Variants in ODAD2 observed in about 807,000 individuals in gnomAD.
ODAD2 encodes outer dynein arm-docking complex subunit 2.
Under a neutral mutation model 106.8 loss-of-function variants are expected in ODAD2, and 89 were observed. That is an observed-to-expected ratio of 0.83 (90% CI 0.70 to 0.99). The LOEUF is 0.99. Ranked by LOEUF, ODAD2 falls within the 50% of genes least tolerant of loss-of-function variation. ODAD2 has a pLI of 0.00. For synonymous variants in ODAD2, 404 were observed against 436.2 expected, an observed-to-expected ratio of 0.93 and a Z score of 0.92; for missense variants, 1,168 against 1,238.5, an observed-to-expected ratio of 0.94 and a Z score of 0.85.
At position 27,812,429 on chromosome 10, in the gene ODAD2, T is replaced by C; in HGVS notation, c.*83A>G. 7.5e-7 allele frequency: 1 copy of C among 1,330,318 alleles called. No individual in the cohort carries two copies. Among genetic ancestry groups the C allele is most frequent in the Non-Finnish European group, 1.0e-6 (1 of 959,042 alleles). The allele number at this position is 1,330,318 out of a possible 1,614,324, so 82.4% of individuals were successfully genotyped here. On this transcript the variant is annotated 3_prime_UTR_variant, in exon 20 of 20. Transcript: ENST00000305242. ...GTTGAAAGGGTTTGCTAACAACTGT[T>C]TCCCAATTTAGGCTTTCTGGCCATG...
At chr10:27,827,329 G>A (rs1289689549) in intron 19 of ODAD2, among the ~76,000 whole-genome samples, 2 of 149,222 alleles carry the variant, frequency 1.3e-5, no homozygotes, top group African/African-American at 5.0e-5. Flanking sequence ...TCAAATCTGT[G>A]TTTTTAAGGA....
chr10:27,908,255 C>T (rs1171006186), intron 16 of ODAD2, among the ~76,000 whole-genome samples: 1 of 152,150 alleles, frequency 6.6e-6, no homozygotes, highest in Admixed American at 6.5e-5. Context: ...AAAATCATTA[C>T]ACCACAGTGC....
At chr10:27,837,972 C>T (rs1314457695) in intron 19 of ODAD2, among the ~76,000 whole-genome samples, 4 of 151,748 alleles carry the variant, frequency 2.6e-5, no homozygotes, top group Non-Finnish European at 5.9e-5. Context: ...TACCCCACGG[C>T]GATGGATTGG....
intron 16 of ODAD2, among the ~76,000 whole-genome samples, chr10:27,924,014 GAA>G (rs1845028605): frequency 3.1e-5 from 4 of 128,104 alleles, no homozygotes; most frequent in African/African-American, 1.1e-4. Context: ...AAGAAAGAAA[GAA>G]AGAAAGAAGG....
intron 10 of ODAD2, chr10:27,957,601 G>A (rs1342023845): frequency 6.6e-6 from 1 of 152,156 alleles, no homozygotes; most frequent in Non-Finnish European, 1.5e-5. Flanking sequence ...GAGAAAAGAA[G>A]CTGGAAGGTT....
At chr10:27,998,482 G>A (rs1850689207) in intron 1 of ODAD2, among the ~76,000 whole-genome samples, 5 of 152,166 alleles carry the variant, frequency 3.3e-5, no homozygotes, top group Admixed American at 3.3e-4. Flanking sequence ...CGGGCTGGGG[G>A]AAGGAGAGGC....
intron 17 of ODAD2, among the ~76,000 whole-genome samples, chr10:27,872,170 T>C (rs1008887295): frequency 6.6e-6 from 1 of 152,002 alleles, no homozygotes; most frequent in African/African-American, 2.4e-5. Flanking sequence ...CTGTTATTGG[T>C]GTATAAGAAT....
At chr10:27,945,351 C>T (rs1159934041) in intron 10 of ODAD2, among the ~76,000 whole-genome samples, 1 of 152,256 alleles carries the variant, frequency 6.6e-6, no homozygotes, top group South Asian at 2.1e-4. Context: ...TACAGATGTG[C>T]ATAGAACAGT....
chr10:27,934,888 T>C, intron 16 of ODAD2, 122 bp downstream of exon 16: 1 of 1,240,706 alleles, frequency 8.1e-7, no homozygotes, highest in Non-Finnish European at 1.1e-6. Flanking sequence ...ATTATTTATA[T>C]GACACACTGT....
chr10:27,882,984 C>CA (rs938358822), intron 17 of ODAD2, among the ~76,000 whole-genome samples: 4 of 150,874 alleles, frequency 2.7e-5, no homozygotes, highest in South Asian at 4.2e-4. Context: ...AGAGGCTGGT[C>CA]AAAAAAATTA....
chr10:27,885,557 A>T (rs866594026), intron 17 of ODAD2, among the ~76,000 whole-genome samples: 22 of 16,670 alleles, frequency 1.3e-3, no homozygotes, highest in African/African-American at 2.5e-3. Context: ...TAAATATATA[A>T]ATATAAATAT....
In ODAD2 at chr10:27,940,004, T is replaced by C; in HGVS notation, c.1990A>G (p.Asn664Asp). 2 of 1,601,436 alleles carry C rather than the reference T, an allele frequency of 1.2e-6. No homozygotes were observed. Among genetic ancestry groups the C allele is most frequent in the Non-Finnish European group, 8.5e-7 (1 of 1,174,072 alleles). ...GTLQECASEE[N>D]YRAAIKAERI... The stretch of plus-strand genomic sequence containing the variant: ...TCTGCTTTGATTGCAGCCCGGTAGT[T>C]TTCCTAGGAATAAAAACCTACATAT... Residue 664 changes from asparagine (N) to aspartate (D), a missense_variant, in exon 14 of 20, where the codon AAC becomes GAC. Coordinates refer to ENST00000305242, the MANE Select transcript of ODAD2 (RefSeq NM_018076.5).
At chr10:27,817,245 C>T (rs567763622) in intron 19 of ODAD2, among the ~76,000 whole-genome samples, 1 of 152,314 alleles carries the variant, frequency 6.6e-6, no homozygotes, top group South Asian at 2.1e-4. Context: ...ACACTTAAAT[C>T]CCTTTCCTAG....
intron 17 of ODAD2, among the ~76,000 whole-genome samples, chr10:27,870,603 T>C (rs1296537068): frequency 6.6e-6 from 1 of 151,154 alleles, no homozygotes; most frequent in Non-Finnish European, 1.5e-5. Context: ...GAATATGCGG[T>C]GTTTGGTTTT....
intron 17 of ODAD2, among the ~76,000 whole-genome samples, chr10:27,900,377 G>C (rs1210155303): frequency 1.4e-4 from 21 of 152,148 alleles, no homozygotes; most frequent in Non-Finnish European, 2.9e-5. Flanking sequence ...GCACAAAAAG[G>C]CTGAAAATTC....
intron 16 of ODAD2, among the ~76,000 whole-genome samples, chr10:27,914,793 G>T (rs1844249426): frequency 6.6e-6 from 1 of 151,856 alleles, no homozygotes; most frequent in Non-Finnish European, 1.5e-5. Flanking sequence ...TAGAAATGAA[G>T]AATTCATTAG....
chr10:27,941,874 G>A (rs1281558005), intron 12 of ODAD2, among the ~76,000 whole-genome samples: 5 of 152,044 alleles, frequency 3.3e-5, no homozygotes. Flanking sequence ...AATTTATAAG[G>A]GAATAATAGC....
intron 19 of ODAD2, among the ~76,000 whole-genome samples, chr10:27,850,516 T>C (rs915505411): frequency 1.3e-5 from 2 of 150,636 alleles, no homozygotes; most frequent in African/African-American, 4.9e-5. Context: ...GATATCGTAC[T>C]ACTACACTCT....
At position 27,937,154 on chromosome 10, in the gene ODAD2, C is replaced by T. The variant is rs58502831; in HGVS notation, c.2098-274G>A. ...GAGATAGCCTAGGCATCTCCTGAGG[C>T]GAAGGTCAGTGGAAAACCTACAACT... On this transcript the variant is annotated intron_variant, in intron 14 of 19. Coordinates refer to ENST00000305242, the MANE Select transcript of ODAD2 (RefSeq NM_018076.5). 0.044 allele frequency among the ~76,000 whole-genome samples: 6,721 copies of T among 152,048 alleles called. 497 individuals carry two copies. Among genetic ancestry groups the T allele is most frequent in the African/African-American group, 0.15 (6,348 of 41,426 alleles).
Sources: gnomAD v4.1 joint callset for allele counts (sites outside exome capture counted in the v4.1 genomes callset) on GRCh38, gnomAD v4.1.1 for gene constraint, MANE v1.5 for transcripts, NCBI Gene and HGNC (gene_info 2026-07-23, HGNC 2026-07-21) for gene names.